Variants in SLCO1B1 observed in about 807,000 individuals in gnomAD.
The protein encoded by SLCO1B1 is solute carrier organic anion transporter family member 1B1.
A neutral mutation model predicts 70.1 loss-of-function variants in SLCO1B1; 81 were observed. The observed-to-expected ratio is 1.16, with a 90% confidence interval of 0.97 to 1.39. The LOEUF (loss-of-function observed/expected upper bound fraction) is 1.39, where lower values mean the gene tolerates loss of function less well. Among genes scored for constraint, SLCO1B1 ranks in the 40% most tolerant of loss-of-function variants. The pLI, the probability that SLCO1B1 is intolerant of heterozygous loss-of-function variation, is 0.00. For synonymous variants in SLCO1B1, 283 were observed against 271.5 expected (o/e 1.04, Z -0.42); for missense variants, 895 against 799.6 (o/e 1.12, Z -1.44).
At chr12:21,157,752 C>A (rs1446278767) in intron 2 of SLCO1B1, among the ~76,000 whole-genome samples, 1 of 152,010 alleles carries the variant, frequency 6.6e-6, no homozygotes, top group African/African-American at 2.4e-5. Context: ...CAGGCGCCCA[C>A]CACCACGCCC....
At chr12:21,142,151 A>G (rs1940319559) in intron 2 of SLCO1B1, among the ~76,000 whole-genome samples, 1 of 151,860 alleles carries the variant, frequency 6.6e-6, no homozygotes, top group Non-Finnish European at 1.5e-5. Context: ...ATGATAGTCA[A>G]AAACTTGGCC....
chr12:21,207,632 G>T (rs1486862561), intron 11 of SLCO1B1, among the ~76,000 whole-genome samples: 1 of 151,862 alleles, frequency 6.6e-6, no homozygotes, highest in Admixed American at 6.6e-5. Flanking sequence ...TTTGGTAGAA[G>T]AATTTATTTT....
chr12:21,177,026 A>G (rs1252153406), intron 5 of SLCO1B1, 129 bp downstream of exon 5: 1 of 707,764 alleles, frequency 1.4e-6, no homozygotes, highest in African/African-American at 1.8e-5. Flanking sequence ...TGACTCTTAC[A>G]GACATAATTA....
intron 14 of SLCO1B1, among the ~76,000 whole-genome samples, chr12:21,234,209 G>T (rs1322835554): frequency 6.6e-6 from 1 of 152,020 alleles, no homozygotes; most frequent in Non-Finnish European, 1.5e-5. Flanking sequence ...CTGTCCTCTC[G>T]TGCTGAGTCA....
intron 1 of SLCO1B1, among the ~76,000 whole-genome samples, chr12:21,134,314 C>A (rs1417714766): frequency 6.6e-6 from 1 of 152,094 alleles, no homozygotes; most frequent in Non-Finnish European, 1.5e-5. Context: ...TGTTTCTCTG[C>A]CAGGCTTTGG....
At chr12:21,192,333 G>C (rs1336060202) in intron 7 of SLCO1B1, among the ~76,000 whole-genome samples, 2 of 151,512 alleles carry the variant, frequency 1.3e-5, no homozygotes, top group African/African-American at 4.9e-5. Context: ...TGTGTTTTAT[G>C]TCTCCAGGAA....
At chr12:21,208,693 T>G (rs1298706553) in intron 11 of SLCO1B1, among the ~76,000 whole-genome samples, 1 of 152,116 alleles carries the variant, frequency 6.6e-6, no homozygotes, top group Non-Finnish European at 1.5e-5. Context: ...AGAATACCAT[T>G]GAATCTGTAG....
chr12:21,174,005 C>T (rs967534946), intron 3 of SLCO1B1, among the ~76,000 whole-genome samples: 1 of 152,016 alleles, frequency 6.6e-6, no homozygotes, highest in African/African-American at 2.4e-5. Context: ...GATCCACCCA[C>T]CTCAGCCTCC....
intron 2 of SLCO1B1, among the ~76,000 whole-genome samples, chr12:21,159,205 A>T (rs763756782): frequency 6.6e-6 from 1 of 152,184 alleles, no homozygotes; most frequent in Non-Finnish European, 1.5e-5. Flanking sequence ...ATCAATAGAG[A>T]GCCAAAACTG....
At chr12:21,170,105 T>A (rs1940739473) in intron 2 of SLCO1B1, among the ~76,000 whole-genome samples, 1 of 152,170 alleles carries the variant, frequency 6.6e-6, no homozygotes, top group Non-Finnish European at 1.5e-5. Flanking sequence ...GGAACTGCAG[T>A]TTTTGGTGTA....
At chr12:21,143,129 T>C (rs1195811678) in intron 2 of SLCO1B1, among the ~76,000 whole-genome samples, 1 of 152,114 alleles carries the variant, frequency 6.6e-6, no homozygotes, top group East Asian at 1.9e-4. Flanking sequence ...ACAATAATTC[T>C]GTAAAGACTT....
intron 1 of SLCO1B1, among the ~76,000 whole-genome samples, chr12:21,140,585 T>G (rs1177118410): frequency 6.6e-6 from 1 of 151,958 alleles, no homozygotes; most frequent in African/African-American, 2.4e-5. Flanking sequence ...TAATATGAAA[T>G]GATTAGATAC....
intron 2 of SLCO1B1, among the ~76,000 whole-genome samples, chr12:21,154,453 TA>T (rs1940514629): frequency 6.6e-6 from 1 of 152,156 alleles, no homozygotes; most frequent in Non-Finnish European, 1.5e-5. Flanking sequence ...CTGCAAAAAG[TA>T]AATTTCTATT....
Position 21,180,494 on chromosome 12 carries a change from A to G in SLCO1B1, c.727+1474A>G, listed in dbSNP as rs542877067. Among the ~76,000 whole-genome samples the G allele has an allele frequency of 8.6e-4, 131 of 152,290 alleles. 2 individuals are homozygous for G. The highest frequency in any genetic ancestry group is 3.1e-3 in the African/African-American group (127 of 41,572). On this transcript the variant is annotated intron_variant, in intron 7 of 14. Coordinates refer to ENST00000256958, the MANE Select transcript of SLCO1B1 (RefSeq NM_006446.5). Reference sequence around the variant, plus strand: ...TCTCTTTACCACATGACAGAATGGCATGTTCTTAGCAAATAATAATTAGTT... The same window carrying G: ...TCTCTTTACCACATGACAGAATGGCGTGTTCTTAGCAAATAATAATTAGTT...
chr12:21,230,744 T>A (rs942344590), intron 14 of SLCO1B1, among the ~76,000 whole-genome samples: 2 of 152,178 alleles, frequency 1.3e-5, no homozygotes, highest in African/African-American at 4.8e-5. Context: ...TGAAGAAGAT[T>A]GTAATGATTT....
At chr12:21,219,195 C>G (rs2417968) in intron 12 of SLCO1B1, among the ~76,000 whole-genome samples, 72,198 of 151,884 alleles carry the variant, frequency 0.48, 17,419 homozygotes, top group East Asian at 0.73. Flanking sequence ...AAATAAATCA[C>G]AGTTAAGAAA....
At chr12:21,188,005 T>C (rs1188023417) in intron 7 of SLCO1B1, among the ~76,000 whole-genome samples, 1 of 152,172 alleles carries the variant, frequency 6.6e-6, no homozygotes, top group Non-Finnish European at 1.5e-5. Flanking sequence ...AGCAGAAGGA[T>C]TCTGATAATT....
intron 8 of SLCO1B1, 84 bp downstream of exon 8, chr12:21,197,272 A>G: frequency 6.8e-7 from 1 of 1,478,904 alleles, no homozygotes; most frequent in Non-Finnish European, 9.3e-7. Flanking sequence ...AATAAAGCAT[A>G]CCCAACTCAT....
At position 21,174,586 on chromosome 12, in the gene SLCO1B1, T is replaced by C. The variant is rs1940796042; in HGVS notation, c.236T>C (p.Leu79Pro). 2 of 1,613,508 alleles carry C rather than the reference T, an allele frequency of 1.2e-6. No individual in the cohort carries two copies. Among genetic ancestry groups the C allele is most frequent in the East Asian group, 2.2e-5 (1 of 44,758 alleles). ...TTTGTTCCCTTTCTAGGAAATTTGC[T>C]TGTGATTGTATTTGTGAGTTACTTT... ...IDGSFEIGNL[L>P]VIVFVSYFGS... The change falls in exon 4 of 15, where the codon CTT becomes CCT. Residue 79 changes from leucine to proline, a missense_variant. By Grantham distance (98) the Leu-to-Pro change is moderately conservative. Transcript: ENST00000256958.
Sources: allele counts gnomAD v4.1 joint callset (sites outside exome capture counted in the v4.1 genomes callset), GRCh38; gene constraint gnomAD v4.1.1; transcripts MANE v1.5; gene names NCBI Gene and HGNC (gene_info 2026-07-23, HGNC 2026-07-21).